The following SPRTN variants were observed in gnomAD, a reference collection of about 807,000 sequenced individuals.
SPRTN encodes the protein DNA-dependent metalloprotease SPRTN.
SPRTN carries 11 observed loss-of-function variants against 31.9 expected under a neutral mutation model. That is an observed-to-expected ratio of 0.34 (90% CI 0.22 to 0.57). The LOEUF (loss-of-function observed/expected upper bound fraction) is 0.57. Among genes scored for constraint, SPRTN ranks in the 20% least tolerant of loss-of-function variants. The probability of loss-of-function intolerance (pLI) is 0.86; values close to 1 mark genes in which losing one functional copy is unlikely to be tolerated. For synonymous variants in SPRTN, 185 were observed against 212.1 expected (o/e 0.87, Z 1.11); for missense variants, 482 against 590.1 (o/e 0.82, Z 1.90).
At chr1:231,347,749 A>C (rs1299734181) in intron 2 of SPRTN, 48 bp from the exon 3 acceptor site, 1 of 1,554,100 alleles carries the variant, frequency 6.4e-7, no homozygotes, top group Non-Finnish European at 8.6e-7. Context: ...TATATTTTCC[A>C]AAGTGTCATA....
intron 3 of SPRTN, among the ~76,000 whole-genome samples, chr1:231,350,083 A>G (rs1687179391): frequency 6.6e-6 from 1 of 152,174 alleles, no homozygotes; most frequent in Non-Finnish European, 1.5e-5. Context: ...TGAACATAAT[A>G]GAGTGCGTGG....
At chr1:231,338,894 T>G (rs1403968634) in intron 1 of SPRTN, among the ~76,000 whole-genome samples, 1 of 152,126 alleles carries the variant, frequency 6.6e-6, no homozygotes, top group Non-Finnish European at 1.5e-5. Flanking sequence ...AATAACAAGT[T>G]CCTGATTTGC....
chr1:231,338,638 G>A, intron 1 of SPRTN, 34 bp downstream of exon 1: 1 of 1,611,220 alleles, frequency 6.2e-7, no homozygotes. Context: ...AAAGAGGCGG[G>A]ACTGGCAGCT....
Position 231,352,757 on chromosome 1 carries a change from A to T in SPRTN, c.866A>T (p.His289Leu). The T allele has an allele frequency of 6.2e-7, 1 of 1,614,170 alleles. No homozygotes were observed. The highest frequency in any genetic ancestry group is 1.1e-5 in the South Asian group (1 of 91,078). Residue 289 changes from histidine to leucine, a missense_variant, in exon 5 of 5, where the codon CAT (histidine) becomes CTT (leucine). Physicochemically the swap from His to Leu is moderately conservative, Grantham distance 99. Coordinates refer to ENST00000295050, the MANE Select transcript of SPRTN (RefSeq NM_032018.7). ...ACCCAAGATCTTTTAAATCAAAACCATTCAGCAAATGCTGTAAGACCTAAT... is the reference window on the plus strand; with the variant it reads ...ACCCAAGATCTTTTAAATCAAAACCTTTCAGCAAATGCTGTAAGACCTAAT... ...NKTQDLLNQN[H>L]SANAVRPNSK...
At chr1:231,344,802 T>C in intron 2 of SPRTN, 1 of 255,576 alleles carries the variant, frequency 3.9e-6, no homozygotes, top group South Asian at 4.3e-5. Flanking sequence ...TAAATGCTTT[T>C]GTTAATTTTG....
chr1:231,338,573 G>C lies in SPRTN; in HGVS notation c.190G>C (p.Val64Leu). 1 of 1,614,250 alleles carries C rather than the reference G, an allele frequency of 6.2e-7. No individual in the cohort carries two copies. The highest frequency in any genetic ancestry group is 8.5e-7 in the Non-Finnish European group (1 of 1,180,048). The change falls in exon 1 of 5, where the codon GTC becomes CTC. Residue 64 changes from valine to leucine, a missense_variant. Val to Leu is a conservative substitution (Grantham distance 32). This residue lies in a region of SPRTN where 157 missense variants were observed against 239.9 expected (regional missense o/e 0.65). Coordinates refer to ENST00000295050, the MANE Select transcript of SPRTN (RefSeq NM_032018.7). ...ATTCTTCTGGGGCCAGCTGGAGGCC[G>C]TCGAGGTGAAGTGGAGCGTGCGAAT... ...DQFFWGQLEA[V>L]EVKWSVRMTL...
At chr1:231,344,614 T>C (rs941372726) in intron 2 of SPRTN, 3 of 207,076 alleles carry the variant, frequency 1.4e-5, no homozygotes, top group African/African-American at 7.0e-5. Context: ...CTCTCATTTT[T>C]CTGTTCAGCA....
intron 3 of SPRTN, among the ~76,000 whole-genome samples, chr1:231,348,707 A>G (rs1188338203): frequency 6.6e-6 from 1 of 152,058 alleles, no homozygotes; most frequent in Non-Finnish European, 1.5e-5. Context: ...AATGCTTTTC[A>G]TCGTTCCAGT....
intron 1 of SPRTN, 60 bp downstream of exon 1, chr1:231,338,664 G>A (rs1686766162): frequency 1.3e-6 from 2 of 1,598,948 alleles, no homozygotes; most frequent in East Asian, 4.5e-5. Flanking sequence ...GCAGCCCCCG[G>A]CCCTGGTTTT....
chr1:231,352,847 C>G lies in SPRTN; in HGVS notation c.956C>G (p.Ala319Gly). Reference sequence around the variant, plus strand: ...AAAAATTCTCATCTGGTCTCCCCTGCTGTTAGTAACAGTCACCAAAATGTT... The same window carrying G: ...AAAAATTCTCATCTGGTCTCCCCTGGTGTTAGTAACAGTCACCAAAATGTT... ...SSKNSHLVSP[A>G]VSNSHQNVLS... The change falls in exon 5 of 5, where the codon GCT becomes GGT. Residue 319 changes from alanine (A) to glycine (G), a missense_variant. By Grantham distance (60) the Ala-to-Gly change is moderately conservative (BLOSUM62 0). Around this residue, in one of 2 missense-constraint regions of SPRTN, gnomAD observed 325 missense variants for 350.2 expected, o/e 0.93. Transcript: ENST00000295050. 6.2e-7 allele frequency: 1 copy of G among 1,613,996 alleles called. No individual in the cohort carries two copies. The highest frequency in any genetic ancestry group is 8.5e-7 in the Non-Finnish European group (1 of 1,179,950).
intron 2 of SPRTN, chr1:231,344,821 C>T (rs905467196): frequency 5.6e-5 from 14 of 248,560 alleles, no homozygotes; most frequent in African/African-American, 3.2e-4. Context: ...TGCACAGAAA[C>T]TTGTGCATCT....
intron 4 of SPRTN, 148 bp from the exon 5 acceptor site, chr1:231,352,462 C>T (rs2102875040): frequency 7.4e-7 from 1 of 1,344,404 alleles, no homozygotes; most frequent in South Asian, 2.4e-5. Context: ...AGATTGCCCT[C>T]CTCCCATTAA....
rs1193963751 is a variant in SPRTN, at chr1:231,353,479, A to C, written c.*118A>C. The stretch of plus-strand genomic sequence containing the variant: ...AGGTTATAATCTAGTTCACATAACC[A>C]ATAGAAAGTGTCCTATTTTATATAT... On this transcript the variant is annotated 3_prime_UTR_variant, in exon 5 of 5. Coordinates refer to ENST00000295050, the MANE Select transcript of SPRTN (RefSeq NM_032018.7). 2 of 1,427,098 alleles carry C rather than the reference A, an allele frequency of 1.4e-6. No individual in the cohort carries two copies. The highest frequency in any genetic ancestry group is 1.8e-6 in the Non-Finnish European group (2 of 1,098,712). 88.4% of individuals were successfully genotyped at this position (1,427,098 alleles called of 1,614,324 possible). A position where few individuals can be genotyped will look rare whatever the true frequency, so the allele number is the denominator to read the frequency against.
Position 231,353,700 on chromosome 1 carries a change from G to A in SPRTN, c.*339G>A. The stretch of plus-strand genomic sequence containing the variant: ...ACTTTCCTAAAAATATTCATATGGG[G>A]AATCCTGTCAGGTGTTTGGTTATAT... On this transcript the variant is annotated 3_prime_UTR_variant, in exon 5 of 5. Coordinates refer to ENST00000295050, the MANE Select transcript of SPRTN (RefSeq NM_032018.7). 1.0e-6 allele frequency: 1 copy of A among 994,742 alleles called. No individual in the cohort carries two copies. Among genetic ancestry groups the A allele is most frequent in the Non-Finnish European group, 1.2e-6 (1 of 831,320 alleles). 61.6% of individuals were successfully genotyped at this position (994,742 alleles called of 1,614,324 possible). A position where few individuals can be genotyped will look rare whatever the true frequency, so the allele number is the denominator to read the frequency against.
At chr1:231,339,360 A>T (rs1313054392) in intron 1 of SPRTN, 1 of 389,748 alleles carries the variant, frequency 2.6e-6, no homozygotes, top group Non-Finnish European at 4.8e-6. Context: ...TCGGAAGGAG[A>T]CTGGGAGTAG....
chr1:231,352,499 T>TAA, intron 4 of SPRTN, 111 bp from the exon 5 acceptor site: 1 of 1,482,118 alleles, frequency 6.7e-7, no homozygotes. Flanking sequence ...TAAGATGGAA[T>TAA]AAAATACTAG....
intron 2 of SPRTN, among the ~76,000 whole-genome samples, chr1:231,347,103 C>T: frequency 6.6e-6 from 1 of 152,132 alleles, no homozygotes; most frequent in Non-Finnish European, 1.5e-5. Flanking sequence ...TCTGAAATGC[C>T]TGGGACTAGA....
At position 231,353,215 on chromosome 1, in the gene SPRTN, C is replaced by T. The variant is rs764577876; in HGVS notation, c.1324C>T (p.Gln442Ter). The change falls in exon 5 of 5, where the codon CAG (glutamine) becomes TAG (stop). Residue 442 changes from glutamine (Q) to a stop codon, truncating the protein, a stop_gained. Transcript: ENST00000295050. LOFTEE classifies it low-confidence loss of function (END_TRUNC). ...NDPKYSTTTA[Q>*]NSSSSSSQSK... ...TCCAAAGTATAGTACAACCACAGCT[C>T]AGAATTCCAGCAGTTCATCCAGTCA... 1.2e-6 allele frequency: 2 copies of T among 1,613,958 alleles called. No homozygotes were observed. Among genetic ancestry groups the T allele is most frequent in the Non-Finnish European group, 1.7e-6 (2 of 1,180,006 alleles).
chr1:231,353,749 A>G lies in SPRTN; in HGVS notation c.*388A>G, dbSNP rs1314098463. On this transcript the variant is annotated 3_prime_UTR_variant, in exon 5 of 5. Coordinates refer to ENST00000295050, the MANE Select transcript of SPRTN (RefSeq NM_032018.7). ...ATTGACTATTTATTAATAGTATTAG[A>G]ACTCATTCCCTGAACTGATGTAAAT... 2.0e-6 allele frequency: 2 copies of G among 986,506 alleles called. No individual in the cohort carries two copies. The highest frequency in any genetic ancestry group is 3.5e-5 in the African/African-American group (2 of 57,152). The allele number at this position is 986,506 out of a possible 1,614,324, so 61.1% of individuals were successfully genotyped here.
Sources: allele counts gnomAD v4.1 joint callset (sites outside exome capture counted in the v4.1 genomes callset), GRCh38; gene constraint gnomAD v4.1.1; regional missense constraint gnomAD v4.1.1; transcripts MANE v1.5; gene names NCBI Gene and HGNC (gene_info 2026-07-23, HGNC 2026-07-21).